HKDC1: variants seen among roughly 807,000 people sequenced by gnomAD.
HKDC1 encodes the protein hexokinase domain containing 1.
HKDC1 carries 66 observed loss-of-function variants against 96.6 expected under a neutral mutation model. That is an observed-to-expected ratio of 0.68 (90% CI 0.56 to 0.84). The LOEUF is 0.84. Among genes scored for constraint, HKDC1 ranks in the 40% least tolerant of loss-of-function variants. The pLI is 0.00. For synonymous variants in HKDC1, 466 were observed against 473.1 expected, an observed-to-expected ratio of 0.98 and a Z score of 0.20; for missense variants, 1,211 against 1,208.1, an observed-to-expected ratio of 1.00 and a Z score of -0.04.
At chr10:69,257,766 TG>T (rs1257801562) in intron 14 of HKDC1, among the ~76,000 whole-genome samples, 1 of 152,134 alleles carries the variant, frequency 6.6e-6, no homozygotes, top group African/African-American at 2.4e-5. Flanking sequence ...CTGGCTCCAA[TG>T]TGTGCCTCTT....
chr10:69,237,534 C>G (rs998175252), intron 4 of HKDC1, among the ~76,000 whole-genome samples: 2 of 152,092 alleles, frequency 1.3e-5, no homozygotes, highest in African/African-American at 2.4e-5. Flanking sequence ...ATGGTTGATT[C>G]TAGTCACCAA....
At chr10:69,257,460 C>A (rs1475593874) in intron 14 of HKDC1, 34 bp downstream of exon 14, 3 of 1,440,134 alleles carry the variant, frequency 2.1e-6, no homozygotes, top group Non-Finnish European at 2.9e-6. Flanking sequence ...TGGCCTAATC[C>A]CACTGTATCC....
intron 4 of HKDC1, among the ~76,000 whole-genome samples, chr10:69,235,685 T>C (rs910232320): frequency 6.6e-6 from 1 of 152,318 alleles, no homozygotes; most frequent in South Asian, 2.1e-4. Context: ...TCTCAAGCTC[T>C]GTGAGAATTC....
At chr10:69,248,813 A>G (rs1220926946) in intron 10 of HKDC1, 85 bp downstream of exon 10, 4 of 1,324,648 alleles carry the variant, frequency 3.0e-6, no homozygotes, top group Middle Eastern at 5.4e-4. Flanking sequence ...CTTGGTTTTT[A>G]GAAACTTGGG....
rs368474740 is a variant in HKDC1, at chr10:69,258,872, G to A, written c.2129G>A (p.Gly710Glu). 3.3e-5 allele frequency: 53 copies of A among 1,613,146 alleles called. No homozygotes were observed. In the African/African-American group the frequency reaches 6.5e-4, roughly 20 times the overall value. The change falls in exon 15 of 18, where the codon GGA (glycine) becomes GAA (glutamate). Residue 710 changes from glycine to glutamate, a missense_variant. Coordinates refer to ENST00000354624, the MANE Select transcript of HKDC1 (RefSeq NM_025130.4). ...GKMCINTEWG[G>E]FGDNGCIDDI... ...ATGTGCATCAATACAGAGTGGGGAGGATTTGGAGACAATGGCTGCATAGAT... is the reference window on the plus strand; with the variant it reads ...ATGTGCATCAATACAGAGTGGGGAGAATTTGGAGACAATGGCTGCATAGAT...
intron 5 of HKDC1, among the ~76,000 whole-genome samples, chr10:69,239,557 C>T (rs2132348422): frequency 6.6e-6 from 1 of 152,272 alleles, no homozygotes; most frequent in Middle Eastern, 3.4e-3. Flanking sequence ...CATTAAATAT[C>T]CCTATTTGTT....
chr10:69,239,116 C>A lies in HKDC1; in HGVS notation c.570C>A (p.Thr190=), dbSNP rs750956525. The change falls in exon 5 of 18, where the codon ACC becomes ACA. Residue 190 remains threonine (T), a synonymous_variant. Transcript: ENST00000354624. ...VQDTDVVSRL[T]KAMRRHKDMD... ...ACACGGATGTGGTGAGCCGTCTGACCAAAGCCATGAGAAGACACAAGGTGA... is the reference window on the plus strand; with the variant it reads ...ACACGGATGTGGTGAGCCGTCTGACAAAAGCCATGAGAAGACACAAGGTGA... 6.2e-7 allele frequency: 1 copy of A among 1,613,782 alleles called. No homozygotes were observed. Among genetic ancestry groups the A allele is most frequent in the Non-Finnish European group, 8.5e-7 (1 of 1,179,734 alleles).
chr10:69,227,214 G>A lies in HKDC1; in HGVS notation c.71G>A (p.Arg24Lys). 6.2e-7 allele frequency: 1 copy of A among 1,614,174 alleles called. No homozygotes were observed. The highest frequency in any genetic ancestry group is 8.5e-7 in the Non-Finnish European group (1 of 1,180,030). ...LKEDQIKKVD[R>K]FLYHMRLSDD... ...GGCCGGTGTCTGTTCCAGGTGGACA[G>A]GTTCCTGTATCACATGCGGCTCTCC... The change falls in exon 2 of 18, where the codon AGG becomes AAG. Residue 24 changes from arginine (R) to lysine (K), a missense_variant. Coordinates refer to ENST00000354624, the MANE Select transcript of HKDC1 (RefSeq NM_025130.4).
intron 4 of HKDC1, among the ~76,000 whole-genome samples, chr10:69,235,961 A>C (rs143276819): frequency 1.7e-3 from 258 of 152,238 alleles, no homozygotes; most frequent in African/African-American, 5.9e-3. Context: ...TATATTTGAG[A>C]AACACTGCAG....
intron 6 of HKDC1, among the ~76,000 whole-genome samples, chr10:69,242,211 C>T (rs902257277): frequency 6.6e-6 from 1 of 152,206 alleles, no homozygotes; most frequent in African/African-American, 2.4e-5. Context: ...TTTCCAGGAG[C>T]CTCAGAATGG....
In HKDC1 at chr10:69,267,289, C is replaced by A; in HGVS notation, c.*532C>A. Reference sequence around the variant, plus strand: ...TTCAAACCTATTAAGAGAACAAAGACTTTGAAGTATCCAGCCCCAGGGTGC... The same window carrying A: ...TTCAAACCTATTAAGAGAACAAAGAATTTGAAGTATCCAGCCCCAGGGTGC... On this transcript the variant is annotated 3_prime_UTR_variant, in exon 18 of 18. Transcript: ENST00000354624. 1 of 341,668 alleles carries A rather than the reference C, an allele frequency of 2.9e-6. No homozygotes were observed. Among genetic ancestry groups the A allele is most frequent in the East Asian group, 8.0e-5 (1 of 12,520 alleles). The allele number at this position is 341,668 out of a possible 1,614,324, so 21.2% of individuals were successfully genotyped here.
chr10:69,223,229 T>A (rs1843095185), intron 1 of HKDC1: 2 of 152,222 alleles, frequency 1.3e-5, no homozygotes. Flanking sequence ...CATGGCTCTG[T>A]ATGTCAACAT....
At chr10:69,260,069 CTA>C (rs1179589404) in intron 15 of HKDC1, among the ~76,000 whole-genome samples, 1 of 152,174 alleles carries the variant, frequency 6.6e-6, no homozygotes, top group Non-Finnish European at 1.5e-5. Context: ...TTTATCAAAA[CTA>C]AGCTCAGTGT....
chr10:69,222,780 C>CAGGAAGTCTCTGGGGT (rs1288627797), intron 1 of HKDC1: 1 of 152,176 alleles, frequency 6.6e-6, no homozygotes, highest in African/African-American at 2.4e-5. Flanking sequence ...GCAAGTGCCC[C>CAGGAAGTCTCTGGGGT]AGGAAGTCTC....
In HKDC1 at chr10:69,265,695, G is replaced by A. The variant is rs367579140; in HGVS notation, c.2483G>A (p.Arg828Gln). 1.4e-5 allele frequency: 23 copies of A among 1,613,396 alleles called. No individual in the cohort carries two copies. The highest frequency in any genetic ancestry group is 1.5e-5 in the Non-Finnish European group (18 of 1,179,826). Residue 828 changes from arginine (R) to glutamine (Q), a missense_variant, in exon 17 of 18, where the codon CGG becomes CAG. Coordinates refer to ENST00000354624, the MANE Select transcript of HKDC1 (RefSeq NM_025130.4). ...VKEVCGAVSRRAAQLCGAGLA... is the reference protein window; with the variant it reads ...VKEVCGAVSRQAAQLCGAGLA... The stretch of plus-strand genomic sequence containing the variant: ...GAGGTGTGCGGAGCCGTGTCCCGGC[G>A]GGCGGCCCAGCTCTGCGGTGCTGGC...
In HKDC1 at chr10:69,265,780, T is replaced by G. The variant is rs143913672; in HGVS notation, c.2568T>G (p.Thr856=). Residue 856 remains threonine (T), a synonymous_variant, in exon 17 of 18, where the codon ACT becomes ACG. Coordinates refer to ENST00000354624, the MANE Select transcript of HKDC1 (RefSeq NM_025130.4). ...EDQGLEHLRI[T]VGVDGTLYKL... ...AGGGGCTAGAGCACCTGAGGATCAC[T>G]GTGGGTGTGGACGGCACCCTGTACA... 2.0e-3 allele frequency: 3,289 copies of G among 1,613,052 alleles called. 31 individuals are homozygous for G. Among genetic ancestry groups the G allele is most frequent in the South Asian group, 0.016 (1,494 of 91,036 alleles).
intron 4 of HKDC1, among the ~76,000 whole-genome samples, chr10:69,238,347 G>T (rs1241121258): frequency 4.0e-5 from 6 of 150,642 alleles, no homozygotes; most frequent in Non-Finnish European, 8.8e-5. Flanking sequence ...CATTCTGCAT[G>T]TATAATACAC....
chr10:69,247,578 A>G lies in HKDC1; in HGVS notation c.1250A>G (p.Tyr417Cys). ...RTTVGMDGTL[Y>C]KIHPQYPKRL... is the part of the protein sequence containing the mutation. The stretch of plus-strand genomic sequence containing the variant: ...ACAGTGGGCATGGACGGCACCCTCT[A>G]CAAGATACACCCTCAGTGAGTGCTG... Residue 417 changes from tyrosine (Y) to cysteine (C), a missense_variant, in exon 9 of 18, where the codon TAC (tyrosine) becomes TGC (cysteine). Physicochemically the swap from Tyr to Cys is radical, Grantham distance 194. Coordinates refer to ENST00000354624, the MANE Select transcript of HKDC1 (RefSeq NM_025130.4). 1.2e-6 allele frequency: 2 copies of G among 1,613,896 alleles called. No homozygotes were observed. The highest frequency in any genetic ancestry group is 1.7e-6 in the Non-Finnish European group (2 of 1,179,858).
intron 7 of HKDC1, among the ~76,000 whole-genome samples, chr10:69,244,816 A>T (rs899305281): frequency 2.0e-5 from 3 of 152,008 alleles, no homozygotes; most frequent in African/African-American, 7.2e-5. Context: ...ACAGAGCAAG[A>T]CCCTGTCTCA....
Sources: gnomAD v4.1 joint callset for allele counts (sites outside exome capture counted in the v4.1 genomes callset) on GRCh38, gnomAD v4.1.1 for gene constraint, MANE v1.5 for transcripts, NCBI Gene and HGNC (gene_info 2026-07-23, HGNC 2026-07-21) for gene names.